DCC: variants seen among roughly 807,000 people sequenced by gnomAD.
DCC encodes DCC netrin 1 receptor.
Under a neutral mutation model 172.5 loss-of-function variants are expected in DCC, and 58 were observed. The ratio of observed to expected loss-of-function variants is 0.34; its 90% CI spans 0.27 to 0.42. DCC has a LOEUF of 0.42. Among genes scored for constraint, DCC ranks in the 10% least tolerant of loss-of-function variants. The pLI is 1.00. For synonymous variants in DCC, 709 were observed against 644.5 expected, an observed-to-expected ratio of 1.10 and a Z score of -1.52; for missense variants, 1,740 against 1,791.0, an observed-to-expected ratio of 0.97 and a Z score of 0.51.
At chr18:52,834,284 C>T (rs76831299) in intron 2 of DCC, among the ~76,000 whole-genome samples, 3,227 of 152,280 alleles carry the variant, frequency 0.021, 60 homozygotes, top group Admixed American at 0.042. Flanking sequence ...CATATCTTAA[C>T]GGAAACATAC....
At chr18:52,580,945 G>T (rs2033529992) in intron 1 of DCC, among the ~76,000 whole-genome samples, 1 of 152,078 alleles carries the variant, frequency 6.6e-6, no homozygotes, top group African/African-American at 2.4e-5. Flanking sequence ...AAATACTCCA[G>T]ATTTTTCCTT....
At chr18:53,255,653 G>T (rs1412278619) in intron 12 of DCC, among the ~76,000 whole-genome samples, 1 of 151,968 alleles carries the variant, frequency 6.6e-6, no homozygotes, top group South Asian at 2.1e-4. Context: ...TTTGCTATTG[G>T]GAATAGTGCC....
chr18:52,350,267 G>A (rs918916995), intron 1 of DCC, among the ~76,000 whole-genome samples: 3 of 152,190 alleles, frequency 2.0e-5, no homozygotes, highest in Admixed American at 2.0e-4. Context: ...AGTACTCACC[G>A]AAAAGGGACA....
At chr18:52,723,604 G>T (rs2036505439) in intron 1 of DCC, among the ~76,000 whole-genome samples, 1 of 152,186 alleles carries the variant, frequency 6.6e-6, no homozygotes, top group Non-Finnish European at 1.5e-5. Flanking sequence ...TTGGCTGTGG[G>T]AGGGCCCTGC....
chr18:52,769,048 T>G lies in DCC; in HGVS notation c.412+16674T>G, dbSNP rs540939545. Among the ~76,000 whole-genome samples, 8 of 152,310 alleles carry G rather than the reference T, an allele frequency of 5.3e-5. No individual in the cohort carries two copies. The East Asian group carries it at 1.5e-3, about 29-fold the overall frequency. On this transcript the variant is annotated intron_variant, in intron 2 of 28. Transcript: ENST00000442544. ...CAATAAAATACATGGTAGCAAGTCTTCAGTTCTAGGTTATTTCAGGAGAAT... is the reference window on the plus strand; with the variant it reads ...CAATAAAATACATGGTAGCAAGTCTGCAGTTCTAGGTTATTTCAGGAGAAT...
At chr18:53,230,033 G>T (rs183236722) in intron 12 of DCC, among the ~76,000 whole-genome samples, 2 of 152,010 alleles carry the variant, frequency 1.3e-5, no homozygotes, top group African/African-American at 2.4e-5. Context: ...CAAAGATGAG[G>T]CTGTATAATC....
chr18:53,083,031 T>TA (rs1375263632), intron 7 of DCC, among the ~76,000 whole-genome samples: 1 of 149,430 alleles, frequency 6.7e-6, no homozygotes, highest in African/African-American at 2.5e-5. Flanking sequence ...ATTTTTTTTT[T>TA]ACCTTTGCTA....
intron 1 of DCC, among the ~76,000 whole-genome samples, chr18:52,742,177 C>G (rs909688144): frequency 6.6e-6 from 1 of 152,118 alleles, no homozygotes; most frequent in Non-Finnish European, 1.5e-5. Flanking sequence ...GGAAACAAAT[C>G]TTTTTAAGCC....
intron 5 of DCC, among the ~76,000 whole-genome samples, chr18:53,053,066 C>T (rs1462424169): frequency 6.6e-6 from 1 of 152,066 alleles, no homozygotes; most frequent in African/African-American, 2.4e-5. Flanking sequence ...GCACTTGAAC[C>T]TGGGAGGTGG....
At chr18:52,901,378 T>C (rs1335022623) in intron 2 of DCC, among the ~76,000 whole-genome samples, 1 of 152,024 alleles carries the variant, frequency 6.6e-6, no homozygotes, top group African/African-American at 2.4e-5. Context: ...TGCTATGAGC[T>C]GAGATCGTGC....
intron 1 of DCC, among the ~76,000 whole-genome samples, chr18:52,406,422 A>G (rs1986654697): frequency 6.6e-6 from 1 of 152,014 alleles, no homozygotes; most frequent in African/African-American, 2.4e-5. Context: ...CAACCTACTC[A>G]TCTGACAAAG....
At chr18:52,616,831 A>G (rs2034390570) in intron 1 of DCC, among the ~76,000 whole-genome samples, 1 of 152,170 alleles carries the variant, frequency 6.6e-6, no homozygotes, top group African/African-American at 2.4e-5. Flanking sequence ...CAGAAGTTGG[A>G]GGTGTGGGAG....
intron 7 of DCC, among the ~76,000 whole-genome samples, chr18:53,073,200 C>G (rs777425486): frequency 6.6e-6 from 1 of 151,818 alleles, no homozygotes; most frequent in Admixed American, 6.6e-5. Flanking sequence ...AAAATAATCA[C>G]GTTTTTATTG....
chr18:52,648,465 T>C (rs181639778), intron 1 of DCC, among the ~76,000 whole-genome samples: 3 of 152,326 alleles, frequency 2.0e-5, no homozygotes, highest in South Asian at 2.1e-4. Context: ...CGCGTAACTA[T>C]GTGTGGAAGC....
At chr18:52,803,319 G>A (rs991388041) in intron 2 of DCC, among the ~76,000 whole-genome samples, 3 of 152,150 alleles carry the variant, frequency 2.0e-5, no homozygotes, top group Non-Finnish European at 2.9e-5. Context: ...GCATCACACG[G>A]CATTTTAAGT....
intron 8 of DCC, among the ~76,000 whole-genome samples, chr18:53,176,806 T>C (rs995465439): frequency 7.3e-5 from 11 of 151,662 alleles, no homozygotes; most frequent in Non-Finnish European, 1.3e-4. Context: ...AAATACCATT[T>C]GACCCAGCCA....
chr18:53,104,254 C>T (rs1253748181), intron 7 of DCC, among the ~76,000 whole-genome samples: 1 of 151,982 alleles, frequency 6.6e-6, no homozygotes, highest in Non-Finnish European at 1.5e-5. Flanking sequence ...TCTGCGTCCC[C>T]ACCCAAATCT....
chr18:52,702,287 C>A (rs1454284090), intron 1 of DCC, among the ~76,000 whole-genome samples: 1 of 152,152 alleles, frequency 6.6e-6, no homozygotes, highest in Non-Finnish European at 1.5e-5. Context: ...GTCCACCAAC[C>A]TCCTTGTCCC....
intron 2 of DCC, among the ~76,000 whole-genome samples, chr18:52,800,347 A>G (rs1199435190): frequency 6.6e-6 from 1 of 152,250 alleles, no homozygotes; most frequent in East Asian, 1.9e-4. Context: ...AAGTTTTTAC[A>G]GACTGATGGA....
Sources: allele counts gnomAD v4.1 joint callset (sites outside exome capture counted in the v4.1 genomes callset), GRCh38; gene constraint gnomAD v4.1.1; transcripts MANE v1.5; gene names NCBI Gene and HGNC (gene_info 2026-07-23, HGNC 2026-07-21).